The following STX8 variants were observed in gnomAD, a reference collection of about 807,000 sequenced individuals.
STX8 encodes syntaxin 8.
In STX8, 23 loss-of-function variants were observed where a neutral mutation model predicts 37.5. The observed-to-expected ratio is 0.61, with a 90% CI of 0.44 to 0.87. STX8 has a LOEUF of 0.87. Ranked by LOEUF, STX8 falls within the 40% of genes least tolerant of loss-of-function variation. The probability of loss-of-function intolerance (pLI) is 0.00; values close to 1 mark genes in which losing one functional copy is unlikely to be tolerated. For missense variants in STX8, 313 were observed against 284.7 expected (o/e 1.10, Z -0.71); for synonymous variants, 115 against 99.1 (o/e 1.16, Z -0.95).
At chr17:9,512,591 T>C (rs1905050198) in intron 4 of STX8, among the ~76,000 whole-genome samples, 1 of 151,718 alleles carries the variant, frequency 6.6e-6, no homozygotes, top group Non-Finnish European at 1.5e-5. Flanking sequence ...GTCTCCTGAG[T>C]AGTTGGGATT....
chr17:9,368,922 C>CCTTT (rs1481698834), intron 7 of STX8, among the ~76,000 whole-genome samples: 1 of 145,328 alleles, frequency 6.9e-6, no homozygotes, highest in African/African-American at 2.5e-5. Context: ...ACCTTTTACC[C>CCTTT]TTTTTTTTTT....
At chr17:9,323,598 T>C (rs893958908) in intron 7 of STX8, among the ~76,000 whole-genome samples, 1 of 150,816 alleles carries the variant, frequency 6.6e-6, no homozygotes, top group Non-Finnish European at 1.5e-5. Context: ...AATGCCTCTC[T>C]GTACAAGGCA....
intron 4 of STX8, among the ~76,000 whole-genome samples, chr17:9,543,798 C>T (rs1906381764): frequency 1.3e-5 from 2 of 152,190 alleles, no homozygotes; most frequent in South Asian, 4.1e-4. Context: ...AGACTGCCAA[C>T]AGAGTATCAC....
chr17:9,410,314 A>C (rs1912938481), intron 6 of STX8, among the ~76,000 whole-genome samples: 1 of 152,268 alleles, frequency 6.6e-6, no homozygotes, highest in African/African-American at 2.4e-5. Flanking sequence ...AGCATGTATA[A>C]GTAAAAATTA....
intron 6 of STX8, among the ~76,000 whole-genome samples, chr17:9,407,966 G>A (rs991998167): frequency 5.3e-5 from 8 of 152,110 alleles, no homozygotes; most frequent in African/African-American, 1.9e-4. Context: ...AGATGCAAAT[G>A]TTCCCCCCAC....
chr17:9,543,299 G>GTTT (rs111248274), intron 4 of STX8, among the ~76,000 whole-genome samples: 5 of 91,934 alleles, frequency 5.4e-5, no homozygotes, highest in Admixed American at 1.4e-4. Flanking sequence ...ACAGTTTTTT[G>GTTT]GTTTTTTTTT....
At position 9,466,945 on chromosome 17, in the gene STX8, C is replaced by T. The variant is rs529684148; in HGVS notation, c.541+24884G>A. 4.1e-3 allele frequency: 626 copies of T among 152,446 alleles called. 3 individuals carry two copies. Among genetic ancestry groups the T allele is most frequent in the Non-Finnish European group, 6.0e-3 (412 of 68,198 alleles). The allele number at this position is 152,446 out of a possible 1,614,324, so 9.4% of individuals were successfully genotyped here. A position where few individuals can be genotyped will look rare whatever the true frequency, so the allele number is the denominator to read the frequency against. ...GGCTCTTGTCCCCCAGGCTGGAGGG[C>T]AGTGGCGCGATCTTGGCTCACTGCA... is the stretch of plus-strand genomic sequence containing the variant. On this transcript the variant is annotated intron_variant, in intron 6 of 7. Coordinates refer to ENST00000306357, the MANE Select transcript of STX8 (RefSeq NM_004853.3).
At chr17:9,279,058 T>G (rs1378243485) in intron 7 of STX8, among the ~76,000 whole-genome samples, 1 of 101,350 alleles carries the variant, frequency 9.9e-6, no homozygotes, top group Non-Finnish European at 2.0e-5. Context: ...GTGTGTGTTT[T>G]TTGTTTTTTG....
At chr17:9,312,794 A>C (rs1245847952) in intron 7 of STX8, among the ~76,000 whole-genome samples, 1 of 152,088 alleles carries the variant, frequency 6.6e-6, no homozygotes, top group Non-Finnish European at 1.5e-5. Context: ...TACTAACTCC[A>C]CTCTGCAGTC....
intron 2 of STX8, among the ~76,000 whole-genome samples, chr17:9,563,053 AAAG>A (rs1247275610): frequency 6.6e-6 from 1 of 152,212 alleles, no homozygotes; most frequent in Admixed American, 6.5e-5. Context: ...ATACAGCGCT[AAAG>A]AAGAACAAGG....
chr17:9,353,260 C>T (rs575484149), intron 7 of STX8, among the ~76,000 whole-genome samples: 8 of 152,118 alleles, frequency 5.3e-5, no homozygotes, highest in South Asian at 4.1e-4. Flanking sequence ...ATTGTTTGTG[C>T]GCTTCCTTGA....
chr17:9,562,611 A>T (rs12943746), intron 2 of STX8, among the ~76,000 whole-genome samples: 12 of 21,338 alleles, frequency 5.6e-4, no homozygotes, highest in African/African-American at 9.8e-4. Flanking sequence ...GAAAAAAAAA[A>T]AAATATATAT....
At chr17:9,357,467 G>A (rs1394925488) in intron 7 of STX8, among the ~76,000 whole-genome samples, 1 of 151,902 alleles carries the variant, frequency 6.6e-6, no homozygotes, top group Non-Finnish European at 1.5e-5. Context: ...AGGCAAGGTG[G>A]ATCACCTGAG....
At chr17:9,350,207 C>T (rs567211230) in intron 7 of STX8, among the ~76,000 whole-genome samples, 5 of 142,126 alleles carry the variant, frequency 3.5e-5, no homozygotes, top group South Asian at 5.2e-4. Context: ...AGCGTGGATA[C>T]GCTGGACAAG....
intron 7 of STX8, among the ~76,000 whole-genome samples, chr17:9,366,017 A>G (rs906604158): frequency 6.6e-6 from 1 of 152,116 alleles, no homozygotes; most frequent in African/African-American, 2.4e-5. Flanking sequence ...AGGAAGAGGG[A>G]AAAAATGAGA....
chr17:9,255,435 G>A (rs1342660416), intron 7 of STX8, among the ~76,000 whole-genome samples: 1 of 152,082 alleles, frequency 6.6e-6, no homozygotes, highest in Non-Finnish European at 1.5e-5. Flanking sequence ...GCTGAGGCAG[G>A]AGAATCACTT....
intron 6 of STX8, among the ~76,000 whole-genome samples, chr17:9,455,104 T>G (rs1309033789): frequency 6.6e-6 from 1 of 151,990 alleles, no homozygotes; most frequent in Non-Finnish European, 1.5e-5. Context: ...TAGTCCCAAC[T>G]ACTTGGAAGG....
intron 6 of STX8, among the ~76,000 whole-genome samples, chr17:9,454,261 T>C (rs568671114): frequency 1.1e-3 from 163 of 152,280 alleles, no homozygotes; most frequent in African/African-American, 3.8e-3. Context: ...AAATGACTCG[T>C]AGGCCGGGAG....
At chr17:9,368,119 C>G (rs1911287583) in intron 7 of STX8, among the ~76,000 whole-genome samples, 1 of 152,066 alleles carries the variant, frequency 6.6e-6, no homozygotes, top group African/African-American at 2.4e-5. Flanking sequence ...AAACATTAGG[C>G]AAATAAGTAT....
Sources: gnomAD v4.1 joint callset for allele counts (sites outside exome capture counted in the v4.1 genomes callset) on GRCh38, gnomAD v4.1.1 for gene constraint, MANE v1.5 for transcripts, NCBI Gene and HGNC (gene_info 2026-07-23, HGNC 2026-07-21) for gene names.